Variants in XIRP2 observed in about 807,000 individuals in gnomAD.
XIRP2 encodes xin actin-binding repeat-containing protein 2.
Under a neutral mutation model 277.0 loss-of-function variants are expected in XIRP2, and 236 were observed. The observed-to-expected ratio is 0.85, with a 90% CI of 0.77 to 0.95. The LOEUF is 0.95. XIRP2 is among the 40% of genes least tolerant of loss of function. The pLI, the probability that XIRP2 is intolerant of heterozygous loss-of-function variation, is 0.00. For synonymous variants in XIRP2, 1,490 were observed against 1,416.5 expected (o/e 1.05, Z -1.17); for missense variants, 4,640 against 4,157.5 (o/e 1.12, Z -3.19).
chr2:166,928,117 C>G (rs968163093), intron 2 of XIRP2, among the ~76,000 whole-genome samples: 3 of 152,046 alleles, frequency 2.0e-5, no homozygotes, highest in African/African-American at 7.2e-5. Flanking sequence ...AATCCTTTTG[C>G]CTATGGCAGA....
intron 2 of XIRP2, among the ~76,000 whole-genome samples, chr2:167,126,116 C>A (rs565743966): frequency 1.4e-4 from 21 of 152,228 alleles, no homozygotes; most frequent in Admixed American, 7.2e-4. Flanking sequence ...GACACCCTGG[C>A]AGAAGCTGCA....
At chr2:167,048,936 A>G (rs1162692784) in intron 2 of XIRP2, among the ~76,000 whole-genome samples, 3 of 151,812 alleles carry the variant, frequency 2.0e-5, no homozygotes, top group Admixed American at 6.6e-5. Flanking sequence ...TCTGGATTTC[A>G]TTTCTTTCCT....
At chr2:167,050,986 A>C (rs1574205761) in intron 2 of XIRP2, among the ~76,000 whole-genome samples, 1 of 152,090 alleles carries the variant, frequency 6.6e-6, no homozygotes, top group East Asian at 1.9e-4. Flanking sequence ...CCTGGACTAA[A>C]TTCTCAAAAT....
chr2:166,941,299 C>T (rs535947539), intron 2 of XIRP2, among the ~76,000 whole-genome samples: 56 of 152,314 alleles, frequency 3.7e-4, no homozygotes, highest in African/African-American at 6.7e-4. Flanking sequence ...CGGAAAAGCA[C>T]GGTATTAGGC....
At chr2:166,930,875 A>G (rs1332996165) in intron 2 of XIRP2, among the ~76,000 whole-genome samples, 1 of 152,196 alleles carries the variant, frequency 6.6e-6, no homozygotes, top group Admixed American at 6.5e-5. Flanking sequence ...TTTTGAGAGT[A>G]GTTAGCTGTG....
chr2:166,957,825 T>C (rs993862332), intron 2 of XIRP2, among the ~76,000 whole-genome samples: 1 of 151,846 alleles, frequency 6.6e-6, no homozygotes, highest in Non-Finnish European at 1.5e-5. Flanking sequence ...ACGTTAATCA[T>C]TGACTTTATA....
chr2:166,960,795 A>T (rs1242232329), intron 2 of XIRP2, among the ~76,000 whole-genome samples: 1 of 151,682 alleles, frequency 6.6e-6, no homozygotes, highest in Non-Finnish European at 1.5e-5. Context: ...CTTTATAAGG[A>T]TTTTATTAAA....
chr2:167,136,355 G>C (rs1691551924), intron 3 of XIRP2, among the ~76,000 whole-genome samples: 1 of 152,076 alleles, frequency 6.6e-6, no homozygotes. Flanking sequence ...ACCATAATCT[G>C]ACTTTAACTT....
At chr2:167,114,728 GAATGATGATTTCC>G (rs1274654708) in intron 2 of XIRP2, among the ~76,000 whole-genome samples, 1 of 151,980 alleles carries the variant, frequency 6.6e-6, no homozygotes, top group African/African-American at 2.4e-5. Context: ...AGTTTACTGA[GAATGATGATTTCC>G]ACTCTCATCC....
In XIRP2 at chr2:167,138,680, A is replaced by T. The variant is rs565600961; in HGVS notation, c.562+2618A>T. On this transcript the variant is annotated intron_variant, in intron 3 of 10. Transcript: ENST00000409195. The stretch of plus-strand genomic sequence containing the variant: ...AGCATAGCAAATCCATAATTTGACA[A>T]ATTTGGGTAATTTGATAATAGATGG... Among the ~76,000 whole-genome samples, 3 of 152,340 alleles carry T rather than the reference A, an allele frequency of 2.0e-5. No homozygotes were observed. In the South Asian group the frequency reaches 6.2e-4, roughly 32 times the overall value.
At chr2:166,987,717 A>G (rs965106538) in intron 2 of XIRP2, among the ~76,000 whole-genome samples, 2 of 152,180 alleles carry the variant, frequency 1.3e-5, no homozygotes, top group African/African-American at 2.4e-5. Context: ...AATGTGCCAG[A>G]TGGTTTGGAA....
Position 166,939,692 on chromosome 2 carries a change from A to AAAAAAAC in XIRP2, c.408+35815_408+35821dup, listed in dbSNP as rs1252087644. On this transcript the variant is annotated intron_variant, in intron 2 of 10. Transcript: ENST00000409195. ...AAGACTCCATCACAAAAAAAAAAAA[A>AAAAAAAC]AAAAAACAAAAAACAAAAACAAAAA... Among the ~76,000 whole-genome samples the AAAAAAAC allele has an allele frequency of 4.2e-3, 555 of 132,680 alleles. 1 individual carries two copies. The highest frequency in any genetic ancestry group is 6.3e-3 in the South Asian group (24 of 3,806). 87.0% of individuals were successfully genotyped at this position (132,680 alleles called of 152,430 possible). A position where few individuals can be genotyped will look rare whatever the true frequency, so the allele number is the denominator to read the frequency against.
chr2:166,892,432 A>T (rs563809714), intron 1 of XIRP2, among the ~76,000 whole-genome samples: 2 of 152,184 alleles, frequency 1.3e-5, no homozygotes, highest in Non-Finnish European at 2.9e-5. Flanking sequence ...TCATGAAAAA[A>T]GTCAATTGCT....
chr2:167,245,382 C>T lies in XIRP2; in HGVS notation c.3990C>T (p.Ser1330=). The change falls in exon 9 of 11, where the codon TCC becomes TCT. Residue 1330 remains serine (S), a synonymous_variant. Transcript: ENST00000409195. ...PLYAIQDREG[S]YHEVTTVKKE... ...ATGCAATTCAAGACCGAGAAGGGTC[C>T]TATCATGAAGTGACCACAGTTAAAA... 6.2e-7 allele frequency: 1 copy of T among 1,613,564 alleles called. No individual in the cohort carries two copies.
At chr2:167,225,125 T>C (rs1694554765) in intron 5 of XIRP2, among the ~76,000 whole-genome samples, 1 of 152,180 alleles carries the variant, frequency 6.6e-6, no homozygotes, top group Admixed American at 6.5e-5. Context: ...TCACAATAAA[T>C]AAAAATTTGT....
At chr2:166,952,508 G>T (rs1686060661) in intron 2 of XIRP2, among the ~76,000 whole-genome samples, 1 of 151,910 alleles carries the variant, frequency 6.6e-6, no homozygotes, top group African/African-American at 2.4e-5. Context: ...AACATGTCTA[G>T]AATTATACAA....
chr2:167,225,820 GC>G (rs1311502308), intron 5 of XIRP2, among the ~76,000 whole-genome samples: 1 of 152,002 alleles, frequency 6.6e-6, no homozygotes, highest in Non-Finnish European at 1.5e-5. Context: ...CCAAATCTAG[GC>G]CCTTTAATCT....
At position 167,243,749 on chromosome 2, in the gene XIRP2, T is replaced by C. The variant is rs751961333; in HGVS notation, c.2357T>C (p.Ile786Thr). 6.2e-7 allele frequency: 1 copy of C among 1,613,918 alleles called. No individual in the cohort carries two copies. Among genetic ancestry groups the C allele is most frequent in the Non-Finnish European group, 8.5e-7 (1 of 1,179,958 alleles). ...TQPLDTINKD[I>T]TEIKVVRGIS... ...CCGTTGGACACAATTAACAAAGATA[T>C]CACAGAAATTAAAGTTGTCCGAGGA... Residue 786 changes from isoleucine to threonine, a missense_variant, in exon 9 of 11, where the codon ATC becomes ACC. Ile to Thr is a moderately conservative substitution (Grantham distance 89, BLOSUM62 -1). Transcript: ENST00000409195.
At chr2:167,176,238 G>A (rs954093617) in intron 3 of XIRP2, among the ~76,000 whole-genome samples, 1 of 152,174 alleles carries the variant, frequency 6.6e-6, no homozygotes, top group African/African-American at 2.4e-5. Flanking sequence ...GAAACGAAGG[G>A]CCTTCTCTTG....
Sources: gnomAD v4.1 joint callset for allele counts (sites outside exome capture counted in the v4.1 genomes callset) on GRCh38, gnomAD v4.1.1 for gene constraint, MANE v1.5 for transcripts, NCBI Gene and HGNC (gene_info 2026-07-23, HGNC 2026-07-21) for gene names.